The following OCA2 variants were observed in gnomAD, a reference collection of about 807,000 sequenced individuals.
OCA2 encodes OCA2 melanosomal transmembrane protein.
In OCA2, 77 loss-of-function variants were observed where a neutral mutation model predicts 100.2. The ratio of observed to expected loss-of-function variants is 0.77; its 90% CI spans 0.64 to 0.93. The LOEUF (loss-of-function observed/expected upper bound fraction) is 0.93. OCA2 is among the 40% of genes least tolerant of loss of function. OCA2 has a pLI of 0.00. For synonymous variants in OCA2, 432 were observed against 439.2 expected (o/e 0.98, Z 0.21); for missense variants, 1,062 against 1,089.1 (o/e 0.98, Z 0.35).
chr15:28,061,425 T>G (rs2043869222), intron 2 of OCA2, among the ~76,000 whole-genome samples: 1 of 152,104 alleles, frequency 6.6e-6, no homozygotes, highest in South Asian at 2.1e-4. Flanking sequence ...CAAAAAGCCC[T>G]GGGAAGGGGG....
rs1282825372 is a variant in OCA2, at chr15:27,888,280, A to G, written c.2080-16358T>C. On this transcript the variant is annotated intron_variant, in intron 19 of 23. Coordinates refer to ENST00000354638, the MANE Select transcript of OCA2 (RefSeq NM_000275.3). ...TTCATTTGAACAACAGGCTATGTAA[A>G]TAGTCTATAACCTGTGTGCTAAACT... Among the ~76,000 whole-genome samples, 4 of 152,256 alleles carry G rather than the reference A, an allele frequency of 2.6e-5. No homozygotes were observed. In the East Asian group the frequency reaches 7.7e-4, roughly 29 times the overall value.
At chr15:27,752,437 C>T (rs569187116), downstream of OCA2, among the ~76,000 whole-genome samples, 88 of 152,278 alleles carry the variant, frequency 5.8e-4, 1 homozygote, top group South Asian at 0.014. Flanking sequence ...GGCAAGCTCG[C>T]GTGGTCTCTT....
intron 18 of OCA2, among the ~76,000 whole-genome samples, chr15:27,934,635 TTC>T (rs1198142759): frequency 6.6e-6 from 1 of 152,208 alleles, no homozygotes; most frequent in Non-Finnish European, 1.5e-5. Flanking sequence ...TTTTCCATGA[TTC>T]TGAGAGAAAT....
rs528467235 is a variant in OCA2 at position 27,970,913 on chromosome 15, C to A, written c.1504-4091G>T. On this transcript the variant is annotated intron_variant, in intron 14 of 23. Transcript: ENST00000354638. ...CAGCACCCACGGCATGATGGGAAAA[C>A]GTAAAGAACGTCCCAGCATGCACAG... Among the ~76,000 whole-genome samples, 10 of 150,660 alleles carry A rather than the reference C, an allele frequency of 6.6e-5. No homozygotes were observed. The East Asian group carries it at 1.4e-3, about 21-fold the overall frequency.
chr15:27,805,770 C>T (rs546106190), intron 23 of OCA2, among the ~76,000 whole-genome samples: 10 of 152,176 alleles, frequency 6.6e-5, no homozygotes, highest in African/African-American at 9.6e-5. Flanking sequence ...CCTCCGCGCC[C>T]CCCACATCCA....
At position 27,845,000 on chromosome 15, in the gene OCA2, T is replaced by C; in HGVS notation, c.2391A>G (p.Ala797=). ...ASANVVCAGI[A]EQHGYGFSFM... is the part of the protein sequence containing the mutation. ...AGGAGAACCCATATCCATGCTGTTC[T>C]GCAATCCCTGCACACACGACGTTTG... The change falls in exon 23 of 24, where the codon GCA becomes GCG. Residue 797 remains alanine (A), a synonymous_variant. Coordinates refer to ENST00000354638, the MANE Select transcript of OCA2 (RefSeq NM_000275.3). The C allele has an allele frequency of 6.2e-7, 1 of 1,614,108 alleles. No individual in the cohort carries two copies. Among genetic ancestry groups the C allele is most frequent in the Non-Finnish European group, 8.5e-7 (1 of 1,179,968 alleles).
chr15:28,023,321 T>C (rs1160705671), intron 5 of OCA2, among the ~76,000 whole-genome samples: 2 of 152,172 alleles, frequency 1.3e-5, no homozygotes, highest in Admixed American at 1.3e-4. Flanking sequence ...GTCACAGATC[T>C]CCTCCCTCAT....
intron 18 of OCA2, among the ~76,000 whole-genome samples, chr15:27,928,867 C>T (rs1595665892): frequency 6.6e-6 from 1 of 152,156 alleles, no homozygotes; most frequent in Non-Finnish European, 1.5e-5. Context: ...CCAGAAAAAT[C>T]TCCCTTTATG....
At chr15:27,996,315 T>C (rs1251269287) in intron 9 of OCA2, among the ~76,000 whole-genome samples, 2 of 152,102 alleles carry the variant, frequency 1.3e-5, no homozygotes, top group Non-Finnish European at 2.9e-5. Context: ...TATAAATGAA[T>C]TGAAAACCAC....
chr15:27,750,313 A>G (rs2030025041), downstream of OCA2, among the ~76,000 whole-genome samples: 1 of 152,212 alleles, frequency 6.6e-6, no homozygotes, highest in South Asian at 2.1e-4. Flanking sequence ...AGTGCACTTA[A>G]GGAAATGGAA....
chr15:28,033,806 T>C (rs1028311921), intron 2 of OCA2, among the ~76,000 whole-genome samples: 3 of 152,202 alleles, frequency 2.0e-5, no homozygotes, highest in African/African-American at 7.2e-5. Flanking sequence ...CTCCCACCCC[T>C]GTTTCCCATA....
chr15:27,987,744 AC>A (rs2041410661), intron 11 of OCA2, among the ~76,000 whole-genome samples: 1 of 151,952 alleles, frequency 6.6e-6, no homozygotes, highest in African/African-American at 2.4e-5. Flanking sequence ...AAAAGTCCGA[AC>A]TTGAACAAAA....
intron 2 of OCA2, among the ~76,000 whole-genome samples, chr15:28,074,543 G>A (rs774998247): frequency 5.3e-5 from 8 of 152,122 alleles, no homozygotes; most frequent in African/African-American, 9.7e-5. Flanking sequence ...GCGTGGTGGC[G>A]GACGCCTGCA....
chr15:27,955,351 G>T, intron 16 of OCA2, 136 bp from the exon 17 acceptor site: 2 of 731,722 alleles, frequency 2.7e-6, no homozygotes, highest in Admixed American at 4.2e-5. Context: ...AGTCATGGGG[G>T]GCCGGTGGGG....
chr15:27,873,555 A>G (rs933301185), intron 19 of OCA2, among the ~76,000 whole-genome samples: 3 of 152,202 alleles, frequency 2.0e-5, no homozygotes, highest in African/African-American at 7.2e-5. Flanking sequence ...CCAAATACCA[A>G]ATAGAGATGG....
intron 21 of OCA2, 134 bp from the exon 22 acceptor site, chr15:27,851,609 C>T (rs964291732): frequency 2.5e-6 from 2 of 798,388 alleles, no homozygotes; most frequent in Non-Finnish European, 2.1e-6. Flanking sequence ...TGGAAAGAAA[C>T]CAAAGCAGAC....
intron 2 of OCA2, among the ~76,000 whole-genome samples, chr15:28,046,702 G>A (rs544321795): frequency 6.6e-6 from 1 of 152,290 alleles, no homozygotes; most frequent in East Asian, 1.9e-4. Flanking sequence ...TCATGCTGGT[G>A]CTGAATAATG....
intron 9 of OCA2, among the ~76,000 whole-genome samples, chr15:28,010,263 A>G (rs77354831): frequency 0.013 from 2,044 of 152,324 alleles, 42 homozygotes; most frequent in African/African-American, 0.047. Context: ...AAGAGCACCT[A>G]CAAAAACTAA....
At chr15:27,872,022 A>G (rs1215785315) in intron 19 of OCA2, 100 bp from the exon 20 acceptor site, 2 of 845,508 alleles carry the variant, frequency 2.4e-6, no homozygotes, top group African/African-American at 3.3e-5. Flanking sequence ...AACATAAGGT[A>G]GGCCCAGATT....
Sources: gnomAD v4.1 joint callset for allele counts (sites outside exome capture counted in the v4.1 genomes callset) on GRCh38, gnomAD v4.1.1 for gene constraint, MANE v1.5 for transcripts, NCBI Gene and HGNC (gene_info 2026-07-23, HGNC 2026-07-21) for gene names.